SEZ6L: variants seen among roughly 807,000 people sequenced by gnomAD.
The protein encoded by SEZ6L is seizure 6-like protein.
SEZ6L carries 37 observed loss-of-function variants against 106.2 expected under a neutral mutation model. The observed-to-expected ratio is 0.35, with a 90% confidence interval of 0.27 to 0.46. The LOEUF is 0.46. SEZ6L is among the 20% of genes least tolerant of loss of function. The pLI is 1.00. For missense variants in SEZ6L, 1,172 were observed against 1,332.8 expected (o/e 0.88, Z 1.88); for synonymous variants, 541 against 570.4 (o/e 0.95, Z 0.73).
chr22:26,199,751 A>G (rs1284687818), intron 1 of SEZ6L, among the ~76,000 whole-genome samples: 3 of 152,210 alleles, frequency 2.0e-5, no homozygotes, highest in Non-Finnish European at 4.4e-5. Flanking sequence ...AAATGGGTAG[A>G]GTCCTCTTTC....
intron 9 of SEZ6L, among the ~76,000 whole-genome samples, chr22:26,337,112 T>C (rs2082670558): frequency 6.6e-6 from 1 of 152,138 alleles, no homozygotes; most frequent in Non-Finnish European, 1.5e-5. Flanking sequence ...GCTCATGACA[T>C]AGACGAGGAA....
intron 9 of SEZ6L, among the ~76,000 whole-genome samples, chr22:26,328,544 C>T (rs1051133249): frequency 2.0e-5 from 3 of 152,062 alleles, no homozygotes; most frequent in Admixed American, 2.0e-4. Context: ...GCAAAGCAGC[C>T]GGGGAGCTGT....
chr22:26,333,483 G>T (rs1203263676), intron 9 of SEZ6L, among the ~76,000 whole-genome samples: 1 of 152,226 alleles, frequency 6.6e-6, no homozygotes, highest in African/African-American at 2.4e-5. Context: ...CCCTTCCCAA[G>T]GTTGGAGCAG....
chr22:26,327,676 T>TACACACACCACACACACCC (rs2082362078), intron 9 of SEZ6L, among the ~76,000 whole-genome samples: 1 of 142,038 alleles, frequency 7.0e-6, no homozygotes, highest in African/African-American at 2.6e-5. Flanking sequence ...CACATGACAC[T>TACACACACCACACACACCC]ACACACACCA....
intron 1 of SEZ6L, among the ~76,000 whole-genome samples, chr22:26,170,799 C>A (rs1938540922): frequency 6.6e-6 from 1 of 152,218 alleles, no homozygotes; most frequent in South Asian, 2.1e-4. Flanking sequence ...GCGCTCCTCA[C>A]GTGTAAAAAA....
intron 15 of SEZ6L, among the ~76,000 whole-genome samples, chr22:26,377,441 G>A (rs1334387467): frequency 1.3e-5 from 2 of 152,072 alleles, no homozygotes; most frequent in Non-Finnish European, 2.9e-5. Flanking sequence ...CCCTAGTAAG[G>A]AGAGATCACA....
intron 1 of SEZ6L, among the ~76,000 whole-genome samples, chr22:26,220,477 C>T (rs2078431704): frequency 2.0e-5 from 3 of 152,174 alleles, no homozygotes; most frequent in South Asian, 4.1e-4. Flanking sequence ...AGTCACACAC[C>T]TAGCATTGGG....
Position 26,380,256 on chromosome 22 carries a change from T to G in SEZ6L, c.3046-10T>G, listed in dbSNP as rs1438598623. On this transcript the variant is annotated splice_polypyrimidine_tract_variant and intron_variant, in intron 16 of 16. Transcript: ENST00000248933. ...AGCGTTTGACAAATCCGTGCTTCTC[T>G]CTCTTGCAGGAAACCAGAGAGTATG... 1 of 1,613,516 alleles carries G rather than the reference T, an allele frequency of 6.2e-7. No individual in the cohort carries two copies. Among genetic ancestry groups the G allele is most frequent in the Non-Finnish European group, 8.5e-7 (1 of 1,179,548 alleles).
At position 26,290,270 on chromosome 22, in the gene SEZ6L, G is replaced by A. The variant is rs958927168; in HGVS notation, c.95-2136G>A. ...TATTGGGCCGGGCGCGGTGGCTCAC[G>A]CCTGTAATCCCAGCACTTTGGGAGG... On this transcript the variant is annotated intron_variant, in intron 1 of 16. Transcript: ENST00000248933. Among the ~76,000 whole-genome samples, 7 of 152,168 alleles carry A rather than the reference G, an allele frequency of 4.6e-5. No homozygotes were observed. In the South Asian group the frequency reaches 1.0e-3, roughly 23 times the overall value.
chr22:26,335,624 C>A (rs1300781561), intron 9 of SEZ6L, among the ~76,000 whole-genome samples: 1 of 152,162 alleles, frequency 6.6e-6, no homozygotes, highest in Non-Finnish European at 1.5e-5. Context: ...CAGTAGGAAG[C>A]CACTTTTAAG....
At position 26,173,500 on chromosome 22, in the gene SEZ6L, G is replaced by T. The variant is rs535654994; in HGVS notation, c.94+3737G>T. Among the ~76,000 whole-genome samples, 27 of 152,332 alleles carry T rather than the reference G, an allele frequency of 1.8e-4. No individual in the cohort carries two copies. The East Asian group carries it at 4.6e-3, about 26-fold the overall frequency. The stretch of plus-strand genomic sequence containing the variant: ...ATTACCATCAGGAATCAGAGTTCAT[G>T]GTACTGGAGATCGAGCGGATGCAGG... On this transcript the variant is annotated intron_variant, in intron 1 of 16. Transcript: ENST00000248933.
chr22:26,290,399 G>A (rs2081072120), intron 1 of SEZ6L, among the ~76,000 whole-genome samples: 1 of 152,194 alleles, frequency 6.6e-6, no homozygotes. Flanking sequence ...GGGCATGGTG[G>A]CACGCACCTG....
intron 1 of SEZ6L, among the ~76,000 whole-genome samples, chr22:26,188,752 G>A (rs1191621794): frequency 6.6e-6 from 1 of 152,186 alleles, no homozygotes; most frequent in African/African-American, 2.4e-5. Flanking sequence ...CAACAGAAAA[G>A]CCATAGCTCT....
intron 1 of SEZ6L, among the ~76,000 whole-genome samples, chr22:26,240,179 G>A (rs890379373): frequency 4.6e-5 from 7 of 151,678 alleles, no homozygotes; most frequent in Non-Finnish European, 7.4e-5. Context: ...ACATCTGGTA[G>A]ACCCCCACAC....
chr22:26,255,955 G>A, intron 1 of SEZ6L, among the ~76,000 whole-genome samples: 1 of 152,174 alleles, frequency 6.6e-6, no homozygotes, highest in East Asian at 1.9e-4. Context: ...ACATGAGTGG[G>A]GTTTAGGCTG....
chr22:26,255,450 G>A (rs986748545), intron 1 of SEZ6L, among the ~76,000 whole-genome samples: 3 of 152,154 alleles, frequency 2.0e-5, no homozygotes, highest in African/African-American at 7.2e-5. Context: ...CAAAGAAGAT[G>A]GCTAACACAA....
At chr22:26,273,522 C>T (rs1465988669) in intron 1 of SEZ6L, among the ~76,000 whole-genome samples, 1 of 152,240 alleles carries the variant, frequency 6.6e-6, no homozygotes, top group Non-Finnish European at 1.5e-5. Flanking sequence ...TGCGAGAGCT[C>T]GTTAGGCTCT....
intron 1 of SEZ6L, among the ~76,000 whole-genome samples, chr22:26,238,845 C>T (rs1057248715): frequency 2.6e-5 from 4 of 152,214 alleles, no homozygotes; most frequent in Non-Finnish European, 4.4e-5. Context: ...GCTGGTCACA[C>T]TAGGCTGCTC....
chr22:26,272,641 T>C (rs547894217), intron 1 of SEZ6L, among the ~76,000 whole-genome samples: 1 of 152,342 alleles, frequency 6.6e-6, no homozygotes, highest in East Asian at 1.9e-4. Flanking sequence ...TTCCCTTCCA[T>C]GTTCCTTAGC....
Sources: allele counts gnomAD v4.1 joint callset (sites outside exome capture counted in the v4.1 genomes callset), GRCh38; gene constraint gnomAD v4.1.1; transcripts MANE v1.5; gene names NCBI Gene and HGNC (gene_info 2026-07-23, HGNC 2026-07-21).